The following ARHGEF28 variants were observed in gnomAD, a reference collection of about 807,000 sequenced individuals.
ARHGEF28 encodes the protein 190 kDa guanine nucleotide exchange factor.
In ARHGEF28, 152 loss-of-function variants were observed where a neutral mutation model predicts 206.6. The observed-to-expected ratio is 0.74, with a 90% CI of 0.64 to 0.84. The LOEUF (loss-of-function observed/expected upper bound fraction) is 0.84, where lower values mean the gene tolerates loss of function less well. ARHGEF28 is among the 40% of genes least tolerant of loss of function. The pLI is 0.00. For missense variants in ARHGEF28, 2,028 were observed against 2,073.2 expected, an observed-to-expected ratio of 0.98 and a Z score of 0.42; for synonymous variants, 763 against 776.4, an observed-to-expected ratio of 0.98 and a Z score of 0.29.
chr5:73,828,832 T>C (rs540998213), intron 9 of ARHGEF28, among the ~76,000 whole-genome samples: 35 of 152,026 alleles, frequency 2.3e-4, no homozygotes, highest in Non-Finnish European at 3.8e-4. Flanking sequence ...CTTTTTCTTC[T>C]TTGAGACAGG....
rs758717849 is a variant in ARHGEF28 at position 73,887,682 on chromosome 5, A to G, written c.3387+3A>G. On this transcript the variant is annotated splice_donor_region_variant and intron_variant, in intron 26 of 35. Coordinates refer to ENST00000513042, the MANE Select transcript of ARHGEF28 (RefSeq NM_001177693.2). ...AGAAATACATCTTTGCAGCCGTTGT[A>G]AGTATATGACTGTGTGATGTATTTA... 11 of 1,563,116 alleles carry G rather than the reference A, an allele frequency of 7.0e-6. No individual in the cohort carries two copies. Among genetic ancestry groups the G allele is most frequent in the Non-Finnish European group, 9.5e-6 (11 of 1,152,624 alleles).
intron 9 of ARHGEF28, among the ~76,000 whole-genome samples, chr5:73,830,191 T>G (rs1240430514): frequency 6.6e-6 from 1 of 152,186 alleles, no homozygotes; most frequent in African/African-American, 2.4e-5. Flanking sequence ...ACAGAATATG[T>G]TTTTGAACCA....
chr5:73,626,284 C>T lies in ARHGEF28; in HGVS notation c.-50C>T, dbSNP rs1273829390. 3 of 152,178 alleles carry T rather than the reference C, an allele frequency of 2.0e-5. No individual in the cohort carries two copies. The highest frequency in any genetic ancestry group is 4.4e-5 in the Non-Finnish European group (3 of 68,092). 9.4% of individuals were successfully genotyped at this position (152,178 alleles called of 1,614,324 possible). ...CTCAGGCAGGGCGCGGGGGCAGAGCCTCGCCTGGGTTCTGGAGGCTGCGGG... is the reference window on the plus strand; with the variant it reads ...CTCAGGCAGGGCGCGGGGGCAGAGCTTCGCCTGGGTTCTGGAGGCTGCGGG... On this transcript the variant is annotated 5_prime_UTR_variant, in exon 1 of 36. Coordinates refer to ENST00000513042, the MANE Select transcript of ARHGEF28 (RefSeq NM_001177693.2).
intron 2 of ARHGEF28, among the ~76,000 whole-genome samples, chr5:73,698,984 G>C (rs577877332): frequency 1.4e-4 from 22 of 152,090 alleles, no homozygotes; most frequent in Admixed American, 7.9e-4. Context: ...CATGTCTTCA[G>C]CCTCTACCTG....
Position 73,780,706 on chromosome 5 carries a change from A to G in ARHGEF28, c.871A>G (p.Arg291Gly). The G allele has an allele frequency of 6.4e-7, 1 of 1,558,566 alleles. No homozygotes were observed. Among genetic ancestry groups the G allele is most frequent in the East Asian group, 2.4e-5 (1 of 41,568 alleles). Residue 291 changes from arginine to glycine, a missense_variant, in exon 7 of 36, where the codon AGA (arginine) becomes GGA (glycine). This residue lies in a region of ARHGEF28 where 1,002 missense variants were observed against 1,015.3 expected (regional missense o/e 0.99). Transcript: ENST00000513042. ...TGAGCCAGAAGCCAGGCCAGAGGAAAGAACAGCTATGCCCTCCAGCGGTGC... is the reference window on the plus strand; with the variant it reads ...TGAGCCAGAAGCCAGGCCAGAGGAAGGAACAGCTATGCCCTCCAGCGGTGC... ...AFEPEARPEE[R>G]TAMPSSGAET...
At chr5:73,713,940 C>T (rs752514544) in intron 2 of ARHGEF28, among the ~76,000 whole-genome samples, 11 of 152,048 alleles carry the variant, frequency 7.2e-5, no homozygotes, top group Non-Finnish European at 1.6e-4. Context: ...AAACAGAAAT[C>T]ATTAATTTAT....
At chr5:73,646,270 T>A (rs1443733538) in intron 1 of ARHGEF28, among the ~76,000 whole-genome samples, 1 of 152,230 alleles carries the variant, frequency 6.6e-6, no homozygotes, top group East Asian at 1.9e-4. Flanking sequence ...AGTGTCTGGA[T>A]TGGTGCTATT....
intron 14 of ARHGEF28, among the ~76,000 whole-genome samples, chr5:73,853,346 A>C (rs913004052): frequency 6.6e-6 from 1 of 152,256 alleles, no homozygotes; most frequent in Non-Finnish European, 1.5e-5. Context: ...GGTTGTATGC[A>C]AAACAAGTGC....
intron 4 of ARHGEF28, among the ~76,000 whole-genome samples, chr5:73,765,358 G>A (rs924656753): frequency 6.6e-6 from 1 of 152,156 alleles, no homozygotes; most frequent in Non-Finnish European, 1.5e-5. Context: ...CTTTTCCTGG[G>A]CTAGGCCATA....
rs576871084 is a variant in ARHGEF28, at chr5:73,894,282, C to G, written c.3659-111C>G. The G allele has an allele frequency of 1.6e-3, 1,864 of 1,137,380 alleles. 2 individuals are homozygous for G. The highest frequency in any genetic ancestry group is 2.2e-3 in the Non-Finnish European group (1,775 of 812,274). The allele number at this position is 1,137,380 out of a possible 1,614,324, so 70.5% of individuals were successfully genotyped here. A position where few individuals can be genotyped will look rare whatever the true frequency, so the allele number is the denominator to read the frequency against. The stretch of plus-strand genomic sequence containing the variant: ...TGCCCCACTCATCAACCTGGGTTTT[C>G]TCTTGGAGGTCTTACTGCTTGCTAA... On this transcript the variant is annotated intron_variant, in intron 28 of 35. Coordinates refer to ENST00000513042, the MANE Select transcript of ARHGEF28 (RefSeq NM_001177693.2).
chr5:73,902,746 T>A (rs1182061379), intron 31 of ARHGEF28: 1 of 152,196 alleles, frequency 6.6e-6, no homozygotes, highest in Non-Finnish European at 1.5e-5. Context: ...TACCACAAGG[T>A]GGCAGAACAA....
At chr5:73,845,051 T>G (rs944842308) in intron 11 of ARHGEF28, among the ~76,000 whole-genome samples, 2 of 143,064 alleles carry the variant, frequency 1.4e-5, no homozygotes, top group African/African-American at 5.3e-5. Flanking sequence ...GGAGTCTTGC[T>G]CTTTTGCCCA....
intron 9 of ARHGEF28, among the ~76,000 whole-genome samples, chr5:73,799,949 G>A (rs775771662): frequency 6.6e-6 from 1 of 152,086 alleles, no homozygotes; most frequent in Admixed American, 6.5e-5. Context: ...AGTGGGCTTG[G>A]CGCAAGTGCA....
chr5:73,939,129 C>G (rs1742410239), intron 35 of ARHGEF28, among the ~76,000 whole-genome samples: 1 of 152,072 alleles, frequency 6.6e-6, no homozygotes, highest in Non-Finnish European at 1.5e-5. Context: ...CACGTGGCTG[C>G]CATCCTCTGA....
chr5:73,895,466 C>A (rs142013878), intron 29 of ARHGEF28, among the ~76,000 whole-genome samples: 1 of 151,982 alleles, frequency 6.6e-6, no homozygotes, highest in African/African-American at 2.4e-5. Flanking sequence ...CAACAATGAG[C>A]GGTAGTGAGT....
intron 1 of ARHGEF28, among the ~76,000 whole-genome samples, chr5:73,684,046 T>A (rs552952960): frequency 6.6e-6 from 1 of 152,302 alleles, no homozygotes; most frequent in Non-Finnish European, 1.5e-5. Context: ...ACATGTACTA[T>A]AATTACTATG....
intron 35 of ARHGEF28, among the ~76,000 whole-genome samples, chr5:73,940,290 C>T (rs1023737945): frequency 6.6e-6 from 1 of 152,192 alleles, no homozygotes; most frequent in African/African-American, 2.4e-5. Context: ...CCCTAGGAAC[C>T]TGGCTGCTCT....
chr5:73,849,137 A>G, intron 13 of ARHGEF28, 50 bp downstream of exon 13: 1 of 1,302,170 alleles, frequency 7.7e-7, no homozygotes, highest in Non-Finnish European at 1.1e-6. Flanking sequence ...TCCAGAACAG[A>G]TTTTTCAGTT....
intron 22 of ARHGEF28, among the ~76,000 whole-genome samples, chr5:73,882,043 G>C (rs1273712184): frequency 6.6e-6 from 1 of 151,330 alleles, no homozygotes; most frequent in African/African-American, 2.4e-5. Flanking sequence ...ATTTTTTTGG[G>C]GGGGAGGTTA....
Sources: gnomAD v4.1 joint callset for allele counts (sites outside exome capture counted in the v4.1 genomes callset) on GRCh38, gnomAD v4.1.1 for gene constraint, gnomAD v4.1.1 regional missense constraint, MANE v1.5 for transcripts, NCBI Gene and HGNC (gene_info 2026-07-23, HGNC 2026-07-21) for gene names.